HNRNPM: variants seen among roughly 807,000 people sequenced by gnomAD.
The protein encoded by HNRNPM is heterogeneous nuclear ribonucleoprotein M.
HNRNPM carries 11 observed loss-of-function variants against 73.1 expected under a neutral mutation model. The ratio of observed to expected loss-of-function variants is 0.15; its 90% confidence interval spans 0.09 to 0.25. The LOEUF (loss-of-function observed/expected upper bound fraction) is 0.25. Among genes scored for constraint, HNRNPM ranks in the 10% least tolerant of loss-of-function variants. HNRNPM has a pLI of 1.00. For missense variants in HNRNPM, 789 were observed against 1,067.9 expected (o/e 0.74, Z 3.64); for synonymous variants, 407 against 355.2 (o/e 1.15, Z -1.64).
chr19:8,477,263 C>G (rs2145721882), intron 12 of HNRNPM, among the ~76,000 whole-genome samples: 1 of 152,212 alleles, frequency 6.6e-6, no homozygotes, highest in Non-Finnish European at 1.5e-5. Context: ...GATGGATGCA[C>G]AAGGAAAGAA....
chr19:8,471,272 G>A (rs1970116051), intron 9 of HNRNPM, 54 bp from the exon 10 acceptor site: 1 of 1,129,932 alleles, frequency 8.9e-7, no homozygotes, highest in South Asian at 1.5e-5. Flanking sequence ...TTCCTTTGAG[G>A]GTCAAGGTTT....
chr19:8,471,278 G>C, intron 9 of HNRNPM, 48 bp from the exon 10 acceptor site: 1 of 1,216,658 alleles, frequency 8.2e-7, no homozygotes, highest in Non-Finnish European at 1.2e-6. Context: ...TGAGGGTCAA[G>C]GTTTGCTAAA....
chr19:8,483,253 G>T, intron 13 of HNRNPM, 42 bp downstream of exon 13: 1 of 1,454,408 alleles, frequency 6.9e-7, no homozygotes. Flanking sequence ...TTTAGAACAG[G>T]CTGTTATCGC....
chr19:8,464,201 C>A (rs1296905298), intron 5 of HNRNPM, among the ~76,000 whole-genome samples: 3 of 151,562 alleles, frequency 2.0e-5, no homozygotes, highest in African/African-American at 7.3e-5. Flanking sequence ...GCTGAGATTG[C>A]ACCATTGCAC....
intron 2 of HNRNPM, among the ~76,000 whole-genome samples, 178 bp downstream of exon 2, chr19:8,455,752 TTTTGTTTTG>T: frequency 6.7e-6 from 1 of 149,648 alleles, no homozygotes; most frequent in South Asian, 2.1e-4. Context: ...TGTGTTTTTT[TTTTGTTTTG>T]TTTTGTTTTG....
At chr19:8,463,802 G>A (rs1969554842) in intron 5 of HNRNPM, 116 bp downstream of exon 5, 2 of 688,550 alleles carry the variant, frequency 2.9e-6, no homozygotes, top group South Asian at 1.8e-5. Flanking sequence ...GTGCCAGCCT[G>A]TTGTTTCTAA....
chr19:8,486,251 G>A lies in HNRNPM; in HGVS notation c.1823G>A (p.Gly608Asp). The change falls in exon 14 of 16, where the codon GGC becomes GAC. Residue 608 changes from glycine to aspartate, a missense_variant. Gly to Asp is a moderately conservative substitution (Grantham distance 94). Coordinates refer to ENST00000325495, the MANE Select transcript of HNRNPM (RefSeq NM_005968.5). ...CTGGGCGCTGGCATTGAGCGCATGGGCCTGGCCATGGGTGGCGGTGGCGGT... is the reference window on the plus strand; with the variant it reads ...CTGGGCGCTGGCATTGAGCGCATGGACCTGGCCATGGGTGGCGGTGGCGGT... ...PALGAGIERM[G>D]LAMGGGGGAS... 1 of 1,603,148 alleles carries A rather than the reference G, an allele frequency of 6.2e-7. No homozygotes were observed. The highest frequency in any genetic ancestry group is 8.5e-7 in the Non-Finnish European group (1 of 1,179,674).
chr19:8,461,384 G>T (rs1018850342), intron 2 of HNRNPM, among the ~76,000 whole-genome samples: 1 of 152,132 alleles, frequency 6.6e-6, no homozygotes, highest in African/African-American at 2.4e-5. Flanking sequence ...GCCGTTAAGC[G>T]GGTTATTTTT....
At chr19:8,486,548 G>A (rs960924554) in intron 14 of HNRNPM, 143 bp downstream of exon 14, 2 of 688,988 alleles carry the variant, frequency 2.9e-6, no homozygotes, top group African/African-American at 3.6e-5. Flanking sequence ...TTATGCTAGT[G>A]GGACAAGTAA....
rs1242743579 is a variant in HNRNPM, at chr19:8,468,816, C to T, written c.877C>T (p.Arg293Cys). 7.4e-6 allele frequency: 12 copies of T among 1,613,370 alleles called. No individual in the cohort carries two copies. The highest frequency in any genetic ancestry group is 2.2e-5 in the East Asian group (1 of 44,890). The change falls in exon 9 of 16, where the codon CGT (arginine) becomes TGT (cysteine). Residue 293 changes from arginine (R) to cysteine (C), a missense_variant. Coordinates refer to ENST00000325495, the MANE Select transcript of HNRNPM (RefSeq NM_005968.5). ...AAAAGGAGATTTCTTCCCTCCTGAG[C>T]GTCCACAACAACTTCCCCGTAAGTG... is the stretch of plus-strand genomic sequence containing the variant. ...LPKGDFFPPE[R>C]PQQLPHGLGG...
At chr19:8,472,055 C>G (rs942370996) in intron 10 of HNRNPM, among the ~76,000 whole-genome samples, 1 of 151,878 alleles carries the variant, frequency 6.6e-6, no homozygotes, top group African/African-American at 2.4e-5. Context: ...CCTGTAATCC[C>G]AGTTACTCAA....
At chr19:8,482,207 T>C (rs2145742620) in intron 12 of HNRNPM, among the ~76,000 whole-genome samples, 1 of 152,312 alleles carries the variant, frequency 6.6e-6, no homozygotes, top group African/African-American at 2.4e-5. Context: ...TCCACCCGCC[T>C]TGGCCTCCCA....
intron 10 of HNRNPM, among the ~76,000 whole-genome samples, chr19:8,473,123 G>GA (rs1181348693): frequency 6.6e-6 from 1 of 152,088 alleles, no homozygotes; most frequent in Admixed American, 6.6e-5. Context: ...TGGTGGCGTA[G>GA]TCCCAGCTAC....
At position 8,486,032 on chromosome 19, in the gene HNRNPM, C is replaced by T. The variant is rs1971267338; in HGVS notation, c.1604C>T (p.Ala535Val). ...MGLSMERMVP[A>V]GMGAGLERMG... The stretch of plus-strand genomic sequence containing the variant: ...CTGAGCATGGAGCGCATGGTGCCCG[C>T]AGGTATGGGAGCTGGCCTGGAGCGC... The change falls in exon 14 of 16, where the codon GCA (alanine) becomes GTA (valine). Residue 535 changes from alanine (A) to valine (V), a missense_variant. By Grantham distance (64) the Ala-to-Val change is moderately conservative (BLOSUM62 0). This residue lies in a region of HNRNPM where 604 missense variants were observed against 744.0 expected (regional missense o/e 0.81). Transcript: ENST00000325495. 1 of 1,604,856 alleles carries T rather than the reference C, an allele frequency of 6.2e-7. No individual in the cohort carries two copies. Among genetic ancestry groups the T allele is most frequent in the Admixed American group, 1.7e-5 (1 of 59,772 alleles).
At chr19:8,467,643 A>G in intron 8 of HNRNPM, 59 bp downstream of exon 8, 1 of 1,213,266 alleles carries the variant, frequency 8.2e-7, no homozygotes, top group African/African-American at 1.5e-5. Flanking sequence ...CATGGAATTA[A>G]TAAGAGTGTA....
chr19:8,486,214 A>G lies in HNRNPM; in HGVS notation c.1786A>G (p.Met596Val), dbSNP rs763698512. Residue 596 changes from methionine to valine, a missense_variant, in exon 14 of 16, where the codon ATG (methionine) becomes GTG (valine). Physicochemically the swap from Met to Val is conservative, Grantham distance 21 (BLOSUM62 1). Around this residue, in one of 4 missense-constraint regions of HNRNPM, gnomAD observed 604 missense variants for 744.0 expected, o/e 0.81. Transcript: ENST00000325495. The part of the protein sequence containing the change: ...ANSLERMGPA[M>V]GPALGAGIER... ...CAGCCTCGAGCGCATGGGCCCTGCC[A>G]TGGGCCCGGCCCTGGGCGCTGGCAT... The G allele has an allele frequency of 1.3e-6, 2 of 1,589,970 alleles. No homozygotes were observed. Among genetic ancestry groups the G allele is most frequent in the Admixed American group, 1.7e-5 (1 of 59,394 alleles).
At chr19:8,461,573 C>T (rs1969400778) in intron 2 of HNRNPM, among the ~76,000 whole-genome samples, 1 of 152,132 alleles carries the variant, frequency 6.6e-6, no homozygotes, top group Admixed American at 6.5e-5. Context: ...AACATCTGGT[C>T]ATGGTGGTCA....
chr19:8,458,119 T>G (rs556789973), intron 2 of HNRNPM, among the ~76,000 whole-genome samples: 1 of 151,508 alleles, frequency 6.6e-6, no homozygotes, highest in East Asian at 1.9e-4. Context: ...GAGGGGAGCT[T>G]TTTTTCTAAG....
In HNRNPM at chr19:8,467,589, G is replaced by A. The variant is rs1196718816; in HGVS notation, c.834+5G>A. 1.2e-6 allele frequency: 2 copies of A among 1,602,040 alleles called. No individual in the cohort carries two copies. The highest frequency in any genetic ancestry group is 1.3e-5 in the African/African-American group (1 of 74,680). Reference sequence around the variant, plus strand: ...AGACCAATGCACGTCAAGATGGTAAGTCAGTAGGATCTTTCTCTGTGATAT... The same window carrying A: ...AGACCAATGCACGTCAAGATGGTAAATCAGTAGGATCTTTCTCTGTGATAT... On this transcript the variant is annotated splice_donor_5th_base_variant and intron_variant, in intron 8 of 15. Transcript: ENST00000325495.
Sources: gnomAD v4.1 joint callset for allele counts (sites outside exome capture counted in the v4.1 genomes callset) on GRCh38, gnomAD v4.1.1 for gene constraint, gnomAD v4.1.1 regional missense constraint, MANE v1.5 for transcripts, NCBI Gene and HGNC (gene_info 2026-07-23, HGNC 2026-07-21) for gene names.